LRRFIP1: variants seen among roughly 807,000 people sequenced by gnomAD.
LRRFIP1 encodes the protein LRR binding FLII interacting protein 1.
A neutral mutation model predicts 104.4 loss-of-function variants in LRRFIP1; 62 were observed. The observed-to-expected ratio is 0.59, with a 90% CI of 0.48 to 0.73. The LOEUF (loss-of-function observed/expected upper bound fraction) is 0.73. Ranked by LOEUF, LRRFIP1 falls within the 30% of genes least tolerant of loss-of-function variation. LRRFIP1 has a pLI of 0.00. For synonymous variants in LRRFIP1, 300 were observed against 299.0 expected, an observed-to-expected ratio of 1.00 and a Z score of -0.03; for missense variants, 796 against 824.5, an observed-to-expected ratio of 0.97 and a Z score of 0.42.
chr2:237,706,220 ACCAGAGTCTTGGGGACCAAC>A (rs765624047), intron 1 of LRRFIP1, among the ~76,000 whole-genome samples: 1 of 152,192 alleles, frequency 6.6e-6, no homozygotes, highest in African/African-American at 2.4e-5. Context: ...GGGCGTGTAC[ACCAGAGTCTTGGGGACCAAC>A]CCAGAATTTG....
intron 19 of LRRFIP1, among the ~76,000 whole-genome samples, chr2:237,762,138 T>A (rs2059939156): frequency 6.6e-6 from 1 of 152,208 alleles, no homozygotes; most frequent in Non-Finnish European, 1.5e-5. Flanking sequence ...ATATTCTTTT[T>A]AAAAATTACT....
chr2:237,701,431 C>T (rs910454769), intron 1 of LRRFIP1, among the ~76,000 whole-genome samples: 1 of 152,254 alleles, frequency 6.6e-6, no homozygotes, highest in Admixed American at 6.5e-5. Flanking sequence ...CACATGTGGG[C>T]TAGGCCAGGA....
At chr2:237,644,284 G>C (rs1016695184) in intron 1 of LRRFIP1, among the ~76,000 whole-genome samples, 1 of 152,262 alleles carries the variant, frequency 6.6e-6, no homozygotes, top group African/African-American at 2.4e-5. Flanking sequence ...AATGGCACAT[G>C]CCCAGGGGCT....
intron 2 of LRRFIP1, among the ~76,000 whole-genome samples, chr2:237,713,659 A>T (rs1432919735): frequency 6.6e-6 from 1 of 152,248 alleles, no homozygotes; most frequent in Non-Finnish European, 1.5e-5. Context: ...GAAAATGAGT[A>T]GCTATCTCAG....
intron 1 of LRRFIP1, among the ~76,000 whole-genome samples, chr2:237,653,703 C>T (rs967211928): frequency 6.6e-6 from 1 of 152,172 alleles, no homozygotes; most frequent in Non-Finnish European, 1.5e-5. Context: ...AATAAATCCA[C>T]GCATTTCCAG....
intron 23 of LRRFIP1, among the ~76,000 whole-genome samples, chr2:237,774,737 A>G (rs189482077): frequency 1.3e-5 from 2 of 152,384 alleles, no homozygotes; most frequent in African/African-American, 4.8e-5. Flanking sequence ...AGAATGAGAT[A>G]AAGGAGTAGC....
chr2:237,745,723 C>T (rs574697214), intron 11 of LRRFIP1, among the ~76,000 whole-genome samples: 1 of 152,212 alleles, frequency 6.6e-6, no homozygotes, highest in Admixed American at 6.5e-5. Context: ...TGTAGGTAAA[C>T]GAATGCATTC....
chr2:237,723,861 G>A (rs575735821), intron 7 of LRRFIP1, among the ~76,000 whole-genome samples: 10 of 152,344 alleles, frequency 6.6e-5, no homozygotes, highest in South Asian at 2.1e-4. Flanking sequence ...TGTTTGCCAC[G>A]CCTTGTGTTA....
At chr2:237,708,673 G>A (rs2093931360) in intron 2 of LRRFIP1, 43 bp downstream of exon 2, 2 of 1,560,370 alleles carry the variant, frequency 1.3e-6, no homozygotes, top group Admixed American at 1.9e-5. Context: ...ACAGTGATTT[G>A]CGTGCTGGGC....
At chr2:237,639,672 C>T (rs1023443940) in intron 1 of LRRFIP1, among the ~76,000 whole-genome samples, 26 of 152,202 alleles carry the variant, frequency 1.7e-4, no homozygotes, top group Non-Finnish European at 3.8e-4. Flanking sequence ...AGAGGAATTG[C>T]CACATGAGTT....
chr2:237,734,818 G>A (rs1385525217), intron 9 of LRRFIP1, among the ~76,000 whole-genome samples: 1 of 152,070 alleles, frequency 6.6e-6, no homozygotes, highest in Non-Finnish European at 1.5e-5. Context: ...AACTTTTAAA[G>A]GGTTATAAAA....
In LRRFIP1 at chr2:237,778,757, A is replaced by T. The variant is rs564953237; in HGVS notation, c.1813-665A>T. ...CATGGTGAAACCCCATCTCTAATAA[A>T]ATACAAAAAATTAGCCAGGTGTGGT... On this transcript the variant is annotated intron_variant, in intron 23 of 23. Coordinates refer to ENST00000308482, the MANE Select transcript of LRRFIP1 (RefSeq NM_001137550.2). Among the ~76,000 whole-genome samples the T allele has an allele frequency of 1.7e-3, 253 of 152,064 alleles. 1 individual carries two copies. The highest frequency in any genetic ancestry group is 5.6e-3 in the African/African-American group (231 of 41,480).
chr2:237,633,329 C>T (rs1363588941), intron 1 of LRRFIP1, among the ~76,000 whole-genome samples: 1 of 152,168 alleles, frequency 6.6e-6, no homozygotes, highest in African/African-American at 2.4e-5. Context: ...GCTGTTTGTG[C>T]GATTCCCAAA....
chr2:237,780,842 C>T lies in LRRFIP1; in HGVS notation c.*1310C>T, dbSNP rs976038363. ...TTGCATTAAGAAAGAGATGAAATCT[C>T]TATTAAAATACACAAGATTTTTGTA... On this transcript the variant is annotated 3_prime_UTR_variant, in exon 24 of 24. Coordinates refer to ENST00000308482, the MANE Select transcript of LRRFIP1 (RefSeq NM_001137550.2). 6.6e-6 allele frequency among the ~76,000 whole-genome samples: 1 copy of T among 152,182 alleles called. No homozygotes were observed. The highest frequency in any genetic ancestry group is 1.5e-5 in the Non-Finnish European group (1 of 68,048).
At position 237,751,233 on chromosome 2, in the gene LRRFIP1, G is replaced by A. The variant is rs911122368; in HGVS notation, c.829G>A (p.Val277Ile). Residue 277 changes from valine to isoleucine, a missense_variant, in exon 14 of 24, where the codon GTA becomes ATA. Transcript: ENST00000308482. ...LNELKDQIQD[V>I]EGKYMQGLKE... The stretch of plus-strand genomic sequence containing the variant: ...TGAGTTAAAGGACCAGATTCAGGAT[G>A]TAGAAGGCAAATACATGCAGGGATT... 3.1e-6 allele frequency: 5 copies of A among 1,610,666 alleles called. No individual in the cohort carries two copies. The African/African-American group carries it at 5.3e-5, about 17-fold the overall frequency.
intron 23 of LRRFIP1, among the ~76,000 whole-genome samples, chr2:237,778,586 G>A (rs2061287460): frequency 6.6e-6 from 1 of 152,200 alleles, no homozygotes; most frequent in African/African-American, 2.4e-5. Context: ...TGTTGTTTGT[G>A]TTTGTTTACC....
chr2:237,725,195 G>A (rs77999277), intron 7 of LRRFIP1, among the ~76,000 whole-genome samples: 2,018 of 152,254 alleles, frequency 0.013, 26 homozygotes, highest in African/African-American at 0.045. Context: ...GCTTGTTAGA[G>A]TGCCTGTTCC....
At chr2:237,662,890 C>T (rs997272706) in intron 1 of LRRFIP1, among the ~76,000 whole-genome samples, 5 of 152,150 alleles carry the variant, frequency 3.3e-5, no homozygotes, top group Admixed American at 1.3e-4. Flanking sequence ...GGCACCCAGG[C>T]ATTACCGCTC....
chr2:237,678,040 C>T (rs2091367608), intron 1 of LRRFIP1, among the ~76,000 whole-genome samples: 1 of 152,292 alleles, frequency 6.6e-6, no homozygotes. Context: ...CTAAAACCTA[C>T]ACCATGGGAG....
Sources: allele counts gnomAD v4.1 joint callset (sites outside exome capture counted in the v4.1 genomes callset), GRCh38; gene constraint gnomAD v4.1.1; transcripts MANE v1.5; gene names NCBI Gene and HGNC (gene_info 2026-07-23, HGNC 2026-07-21).